Variants in ELMO1 observed in about 807,000 individuals in gnomAD.
ELMO1 encodes the protein engulfment and cell motility protein 1.
Under a neutral mutation model 98.9 loss-of-function variants are expected in ELMO1, and 26 were observed. That is an observed-to-expected ratio of 0.26 (90% CI 0.19 to 0.36). The LOEUF is 0.36. ELMO1 is among the 10% of genes least tolerant of loss of function. The pLI is 1.00. For synonymous variants in ELMO1, 346 were observed against 346.0 expected (o/e 1.00, Z 0.00); for missense variants, 627 against 935.2 (o/e 0.67, Z 4.30).
intron 6 of ELMO1, among the ~76,000 whole-genome samples, chr7:37,248,011 G>A (rs971019318): frequency 7.3e-5 from 11 of 150,140 alleles, no homozygotes; most frequent in African/African-American, 2.5e-4. Flanking sequence ...TATGAGTTCC[G>A]CCTCCTCCAG....
At chr7:36,985,230 G>C (rs1278052909) in intron 16 of ELMO1, 1 of 503,860 alleles carries the variant, frequency 2.0e-6, no homozygotes, top group East Asian at 1.5e-4. Flanking sequence ...AACCCTCTCT[G>C]GTTTTTCAGG....
chr7:37,411,764 G>C (rs1263749322), intron 1 of ELMO1, among the ~76,000 whole-genome samples: 1 of 152,146 alleles, frequency 6.6e-6, no homozygotes, highest in Non-Finnish European at 1.5e-5. Flanking sequence ...AATTATCAAA[G>C]ACACTTAATT....
intron 15 of ELMO1, among the ~76,000 whole-genome samples, chr7:37,050,408 T>C (rs1205206789): frequency 1.3e-5 from 2 of 152,146 alleles, no homozygotes; most frequent in African/African-American, 4.8e-5. Context: ...CCCCCAGTTC[T>C]ATTTCTTAAT....
At chr7:36,899,838 T>C (rs1311630653) in intron 16 of ELMO1, among the ~76,000 whole-genome samples, 5 of 152,110 alleles carry the variant, frequency 3.3e-5, no homozygotes, top group Non-Finnish European at 5.9e-5. Flanking sequence ...TTGCTCATTG[T>C]AGAGTGCTAG....
At chr7:37,180,583 G>A (rs12701548) in intron 13 of ELMO1, among the ~76,000 whole-genome samples, 37,962 of 152,034 alleles carry the variant, frequency 0.25, 6,113 homozygotes, top group African/African-American at 0.46. Context: ...AAGTGTAAAG[G>A]AAATTTGATG....
At chr7:36,941,623 G>T (rs1014594858) in intron 16 of ELMO1, among the ~76,000 whole-genome samples, 1 of 152,140 alleles carries the variant, frequency 6.6e-6, no homozygotes, top group Non-Finnish European at 1.5e-5. Context: ...TTTAGAAATT[G>T]TCACTTTGAG....
intron 16 of ELMO1, among the ~76,000 whole-genome samples, chr7:36,913,712 T>A (rs1051066881): frequency 3.9e-5 from 6 of 152,094 alleles, no homozygotes; most frequent in African/African-American, 4.8e-5. Context: ...GAGGAAAAGG[T>A]TTTGAGTGAT....
intron 16 of ELMO1, among the ~76,000 whole-genome samples, chr7:36,996,650 G>C (rs1792235869): frequency 6.6e-6 from 1 of 152,224 alleles, no homozygotes; most frequent in African/African-American, 2.4e-5. Flanking sequence ...ATATAGCTGA[G>C]TAAGTTAAGT....
intron 4 of ELMO1, 141 bp downstream of exon 4, chr7:37,314,709 G>A (rs1799064104): frequency 4.7e-6 from 3 of 644,762 alleles, no homozygotes; most frequent in Non-Finnish European, 7.7e-6. Context: ...AGTAGCAGTT[G>A]TTTGCTTTAC....
chr7:37,211,566 T>C lies in ELMO1; in HGVS notation c.955-49A>G, dbSNP rs371187824. On this transcript the variant is annotated intron_variant, in intron 12 of 21. Coordinates refer to ENST00000310758, the MANE Select transcript of ELMO1 (RefSeq NM_014800.11). Reference sequence around the variant, plus strand: ...GAAAAGGGAGGGGAAAAAGCTGCTTTCATTGTGTGACATTACATATACTCC... The same window carrying C: ...GAAAAGGGAGGGGAAAAAGCTGCTTCCATTGTGTGACATTACATATACTCC... 6.4e-5 allele frequency: 102 copies of C among 1,599,356 alleles called. No homozygotes were observed. The African/African-American group carries it at 1.2e-3, about 20-fold the overall frequency.
intron 8 of ELMO1, among the ~76,000 whole-genome samples, chr7:37,226,651 T>G (rs1389834734): frequency 6.6e-6 from 1 of 152,140 alleles, no homozygotes; most frequent in Non-Finnish European, 1.5e-5. Flanking sequence ...ACTAATTTTC[T>G]CCTCATTCCC....
chr7:37,116,848 T>A, intron 14 of ELMO1: 1 of 175,820 alleles, frequency 5.7e-6, no homozygotes, highest in Non-Finnish European at 1.2e-5. Context: ...TACATGTGCC[T>A]CGGCAATGAC....
intron 13 of ELMO1, among the ~76,000 whole-genome samples, chr7:37,200,289 C>T (rs1289427371): frequency 6.7e-6 from 1 of 148,722 alleles, no homozygotes; most frequent in Non-Finnish European, 1.5e-5. Context: ...CTTTATTGCC[C>T]AGGCTAGTCT....
chr7:37,415,455 T>A (rs1423906136), intron 1 of ELMO1, among the ~76,000 whole-genome samples: 2 of 152,218 alleles, frequency 1.3e-5, no homozygotes, highest in African/African-American at 4.8e-5. Context: ...CTCTTGGCTC[T>A]ACCACTTTTA....
chr7:37,186,369 G>A (rs906970868), intron 13 of ELMO1, among the ~76,000 whole-genome samples: 7 of 152,024 alleles, frequency 4.6e-5, no homozygotes, highest in African/African-American at 1.7e-4. Flanking sequence ...GAAAATGTAG[G>A]TATACATCTT....
chr7:37,295,992 A>C (rs981386197), intron 4 of ELMO1, among the ~76,000 whole-genome samples: 3 of 152,226 alleles, frequency 2.0e-5, no homozygotes, highest in Non-Finnish European at 4.4e-5. Context: ...CCAGTTTTCC[A>C]TTGCTGTATA....
intron 13 of ELMO1, among the ~76,000 whole-genome samples, chr7:37,202,330 C>A (rs189491047): frequency 6.6e-6 from 1 of 152,080 alleles, no homozygotes; most frequent in African/African-American, 2.4e-5. Flanking sequence ...GAGAATACCA[C>A]AAAAATTAAG....
At chr7:37,268,388 G>A (rs1023851127) in intron 5 of ELMO1, among the ~76,000 whole-genome samples, 2 of 152,114 alleles carry the variant, frequency 1.3e-5, no homozygotes, top group Non-Finnish European at 2.9e-5. Flanking sequence ...TGTAACCTCC[G>A]CCTCCTGGGT....
At chr7:37,394,861 T>C (rs760151988) in intron 1 of ELMO1, among the ~76,000 whole-genome samples, 2 of 152,158 alleles carry the variant, frequency 1.3e-5, no homozygotes, top group Non-Finnish European at 2.9e-5. Context: ...TCCCAATATC[T>C]TAAACTTGAG....
Sources: gnomAD v4.1 joint callset for allele counts (sites outside exome capture counted in the v4.1 genomes callset) on GRCh38, gnomAD v4.1.1 for gene constraint, MANE v1.5 for transcripts, NCBI Gene and HGNC (gene_info 2026-07-23, HGNC 2026-07-21) for gene names.